NDST4: variants seen among roughly 807,000 people sequenced by gnomAD.
NDST4 encodes N-heparan sulfate sulfotransferase 4.
A neutral mutation model predicts 100.8 loss-of-function variants in NDST4; 63 were observed. The observed-to-expected ratio is 0.62, with a 90% CI of 0.51 to 0.77. The LOEUF is 0.77. Among genes scored for constraint, NDST4 ranks in the 30% least tolerant of loss-of-function variants. The probability of loss-of-function intolerance (pLI) is 0.00; values close to 1 mark genes in which losing one functional copy is unlikely to be tolerated. For synonymous variants in NDST4, 377 were observed against 361.8 expected (o/e 1.04, Z -0.48); for missense variants, 943 against 1,018.4 (o/e 0.93, Z 1.01).
At chr4:114,962,363 A>C (rs1344350332) in intron 4 of NDST4, among the ~76,000 whole-genome samples, 1 of 152,062 alleles carries the variant, frequency 6.6e-6, no homozygotes, top group African/African-American at 2.4e-5. Flanking sequence ...GAAGAAGTAA[A>C]AGTATTTCTA....
At chr4:114,869,614 C>T (rs1184555717) in intron 7 of NDST4, among the ~76,000 whole-genome samples, 2 of 152,000 alleles carry the variant, frequency 1.3e-5, no homozygotes, top group Non-Finnish European at 2.9e-5. Context: ...GGTCAAGTAA[C>T]TTATTGGGAT....
intron 4 of NDST4, among the ~76,000 whole-genome samples, chr4:114,945,649 T>C: frequency 6.6e-6 from 1 of 152,238 alleles, no homozygotes; most frequent in South Asian, 2.1e-4. Context: ...TTGTTGAACT[T>C]AAAGTGCTGG....
At chr4:114,896,481 G>A (rs917453516) in intron 6 of NDST4, among the ~76,000 whole-genome samples, 22 of 151,908 alleles carry the variant, frequency 1.4e-4, no homozygotes, top group Non-Finnish European at 2.1e-4. Context: ...AAAATTAGCC[G>A]GGTGTGGTGT....
chr4:114,881,306 A>T (rs116421370), intron 6 of NDST4, among the ~76,000 whole-genome samples: 1,984 of 152,202 alleles, frequency 0.013, 20 homozygotes, highest in Non-Finnish European at 0.02. Context: ...GATTCAAAAT[A>T]TGTTAAGATA....
At chr4:114,936,207 ATT>A (rs963439167) in intron 5 of NDST4, among the ~76,000 whole-genome samples, 16 of 152,136 alleles carry the variant, frequency 1.1e-4, no homozygotes, top group Non-Finnish European at 1.9e-4. Flanking sequence ...TTTCACTATG[ATT>A]TGAAATTATG....
chr4:114,919,860 T>C (rs1020208773), intron 6 of NDST4, among the ~76,000 whole-genome samples: 6 of 152,104 alleles, frequency 3.9e-5, no homozygotes, highest in African/African-American at 1.4e-4. Context: ...AGAAAATAAT[T>C]GGGATATAAT....
intron 2 of NDST4, among the ~76,000 whole-genome samples, chr4:115,033,127 A>G (rs1728149489): frequency 1.0e-5 from 1 of 98,668 alleles, no homozygotes; most frequent in Non-Finnish European, 1.8e-5. Context: ...TTATATATAT[A>G]TGTGTATATA....
At chr4:114,841,276 G>C (rs529104706) in intron 10 of NDST4, among the ~76,000 whole-genome samples, 1 of 152,264 alleles carries the variant, frequency 6.6e-6, no homozygotes, top group East Asian at 1.9e-4. Context: ...ATAAAAATGT[G>C]GGGTAGAAAT....
At chr4:114,910,638 T>C (rs1370258667) in intron 6 of NDST4, among the ~76,000 whole-genome samples, 2 of 152,206 alleles carry the variant, frequency 1.3e-5, no homozygotes, top group Admixed American at 1.3e-4. Flanking sequence ...TAGATGCCAA[T>C]ACATCTCATT....
intron 4 of NDST4, among the ~76,000 whole-genome samples, chr4:114,955,322 G>A (rs1242135897): frequency 6.6e-6 from 1 of 152,086 alleles, no homozygotes; most frequent in East Asian, 1.9e-4. Context: ...CAATGAGTAA[G>A]TAGCAACTAC....
chr4:114,850,305 G>A (rs1723645497), intron 8 of NDST4, among the ~76,000 whole-genome samples: 1 of 152,052 alleles, frequency 6.6e-6, no homozygotes, highest in Non-Finnish European at 1.5e-5. Flanking sequence ...GATCTCCCCT[G>A]GCCTACAGAA....
At chr4:115,052,533 T>C (rs1224620923) in intron 2 of NDST4, among the ~76,000 whole-genome samples, 2 of 152,200 alleles carry the variant, frequency 1.3e-5, no homozygotes, top group East Asian at 1.9e-4. Flanking sequence ...ATTGTTCTCC[T>C]GACAGTAAAT....
At chr4:114,932,370 C>A (rs1019424945) in intron 6 of NDST4, among the ~76,000 whole-genome samples, 1 of 151,856 alleles carries the variant, frequency 6.6e-6, no homozygotes, top group Non-Finnish European at 1.5e-5. Context: ...CCATATATTA[C>A]AAACTCACAG....
chr4:114,984,018 C>T (rs2126247862), intron 2 of NDST4, among the ~76,000 whole-genome samples: 1 of 152,250 alleles, frequency 6.6e-6, no homozygotes, highest in East Asian at 1.9e-4. Context: ...CCTTTGCTTT[C>T]CACCATGATT....
At chr4:114,912,669 G>T (rs748064965) in intron 6 of NDST4, among the ~76,000 whole-genome samples, 5 of 152,136 alleles carry the variant, frequency 3.3e-5, no homozygotes, top group Non-Finnish European at 5.9e-5. Flanking sequence ...TCATTCAGAA[G>T]TGGTCACAAT....
At position 114,983,700 on chromosome 4, in the gene NDST4, G is replaced by C. The variant is rs145509466; in HGVS notation, c.979-6426C>G. ...TAAGACTGAGGGAGACTGTTGGAAA[G>C]GCATGACTGTATTTTGAAATGTGAG... On this transcript the variant is annotated intron_variant, in intron 2 of 13. Transcript: ENST00000264363. Among the ~76,000 whole-genome samples the C allele has an allele frequency of 2.4e-3, 362 of 152,282 alleles. 1 individual carries two copies. The highest frequency in any genetic ancestry group is 8.3e-3 in the African/African-American group (346 of 41,540).
chr4:115,073,241 T>C (rs1269999096), intron 2 of NDST4, among the ~76,000 whole-genome samples: 1 of 151,908 alleles, frequency 6.6e-6, no homozygotes, highest in African/African-American at 2.4e-5. Context: ...ATAGCCACTA[T>C]GGAAAACAAT....
intron 2 of NDST4, among the ~76,000 whole-genome samples, chr4:115,074,284 A>C (rs7671475): frequency 0.37 from 55,720 of 151,732 alleles, 11,748 homozygotes; most frequent in Non-Finnish European, 0.49. Flanking sequence ...AGAAAAAGTG[A>C]AATAGTTGAA....
chr4:115,057,471 A>G (rs1404442913), intron 2 of NDST4, among the ~76,000 whole-genome samples: 2 of 152,120 alleles, frequency 1.3e-5, no homozygotes, highest in African/African-American at 4.8e-5. Context: ...AGAACTGCCC[A>G]GCAATATAGC....
Sources: gnomAD v4.1 joint callset for allele counts (sites outside exome capture counted in the v4.1 genomes callset) on GRCh38, gnomAD v4.1.1 for gene constraint, MANE v1.5 for transcripts, NCBI Gene and HGNC (gene_info 2026-07-23, HGNC 2026-07-21) for gene names.